Variants in GRID1 observed in about 807,000 individuals in gnomAD.
GRID1 encodes the protein glutamate ionotropic receptor delta type subunit 1, also known as glutamate receptor ionotropic, delta-1.
GRID1 carries 28 observed loss-of-function variants against 98.0 expected under a neutral mutation model. The ratio of observed to expected loss-of-function variants is 0.29; its 90% CI spans 0.21 to 0.39. GRID1 has a LOEUF of 0.39. Ranked by LOEUF, GRID1 falls within the 10% of genes least tolerant of loss-of-function variation. The pLI, the probability that GRID1 is intolerant of heterozygous loss-of-function variation, is 1.00. For synonymous variants in GRID1, 553 were observed against 538.5 expected (o/e 1.03, Z -0.37); for missense variants, 1,111 against 1,340.5 (o/e 0.83, Z 2.67).
chr10:85,764,501 G>T (rs897573932), intron 8 of GRID1, among the ~76,000 whole-genome samples: 5 of 152,204 alleles, frequency 3.3e-5, no homozygotes, highest in African/African-American at 1.2e-4. Context: ...TTGATGTGGG[G>T]AAAGTCAGCC....
intron 4 of GRID1, among the ~76,000 whole-genome samples, chr10:86,120,498 C>T (rs1246591514): frequency 6.6e-6 from 1 of 152,130 alleles, no homozygotes; most frequent in African/African-American, 2.4e-5. Context: ...CTATTGCCAA[C>T]CTTCAATAAA....
intron 8 of GRID1, among the ~76,000 whole-genome samples, chr10:85,827,387 G>GA (rs57832452): frequency 0.017 from 2,477 of 147,622 alleles, 62 homozygotes; most frequent in African/African-American, 0.057. Flanking sequence ...CTCAGAGCTC[G>GA]AAAAAAAAAC....
chr10:86,232,037 T>G (rs1024157441), intron 2 of GRID1, among the ~76,000 whole-genome samples: 1 of 152,120 alleles, frequency 6.6e-6, no homozygotes, highest in African/African-American at 2.4e-5. Flanking sequence ...GGTACCCTCT[T>G]CTCACTGCAC....
At chr10:86,283,224 A>G (rs1847380510) in intron 2 of GRID1, among the ~76,000 whole-genome samples, 1 of 151,932 alleles carries the variant, frequency 6.6e-6, no homozygotes, top group South Asian at 2.1e-4. Context: ...TCCTCCCCAC[A>G]TAGGGTTAGG....
intron 8 of GRID1, among the ~76,000 whole-genome samples, chr10:85,768,051 C>T (rs1842214494): frequency 6.6e-6 from 1 of 152,080 alleles, no homozygotes; most frequent in Non-Finnish European, 1.5e-5. Context: ...AAATGCAAAC[C>T]CCAGAGACTT....
chr10:85,910,273 G>A (rs999383620), intron 5 of GRID1, among the ~76,000 whole-genome samples: 1 of 152,052 alleles, frequency 6.6e-6, no homozygotes, highest in Non-Finnish European at 1.5e-5. Context: ...TCTTTCTCTG[G>A]GTCCCAAATA....
At chr10:85,987,406 TC>T (rs1480385248) in intron 4 of GRID1, among the ~76,000 whole-genome samples, 1 of 69,760 alleles carries the variant, frequency 1.4e-5, no homozygotes, top group African/African-American at 5.8e-5. Context: ...AGCTATATCT[TC>T]CCCCCAACCT....
At chr10:85,905,415 T>C (rs1841446142) in intron 5 of GRID1, among the ~76,000 whole-genome samples, 1 of 151,750 alleles carries the variant, frequency 6.6e-6, no homozygotes, top group South Asian at 2.1e-4. Context: ...TGATACCAGA[T>C]CAAACTACGG....
intron 8 of GRID1, among the ~76,000 whole-genome samples, chr10:85,745,928 C>G (rs1205463336): frequency 1.3e-5 from 2 of 151,948 alleles, no homozygotes; most frequent in Non-Finnish European, 2.9e-5. Context: ...AGTGAAGAAA[C>G]AAAGAAGCAG....
intron 4 of GRID1, among the ~76,000 whole-genome samples, chr10:86,074,495 T>C (rs1273254858): frequency 6.6e-6 from 1 of 152,242 alleles, no homozygotes; most frequent in Non-Finnish European, 1.5e-5. Flanking sequence ...TTCATTGTCA[T>C]TGATGATGAA....
At chr10:86,088,967 C>A (rs927515258) in intron 4 of GRID1, among the ~76,000 whole-genome samples, 2 of 151,994 alleles carry the variant, frequency 1.3e-5, no homozygotes, top group African/African-American at 4.8e-5. Context: ...GGTAGGCTAC[C>A]AAGACAGAAA....
At position 86,137,961 on chromosome 10, in the gene GRID1, TTCAA is replaced by T. The variant is rs1844952926; in HGVS notation, c.726+854_726+857del. Among the ~76,000 whole-genome samples, 3 of 152,172 alleles carry T rather than the reference TTCAA, an allele frequency of 2.0e-5. No individual in the cohort carries two copies. In the South Asian group the frequency reaches 6.2e-4, roughly 32 times the overall value. Reference sequence around the variant, plus strand: ...ATGTCATGTTTCACTTCAGTTTACTTTCAATCAGAGAGGGCCAACAAGGTGACTG... The same window carrying T: ...ATGTCATGTTTCACTTCAGTTTACTTTCAGAGAGGGCCAACAAGGTGACTG... On this transcript the variant is annotated intron_variant, in intron 4 of 15. Coordinates refer to ENST00000327946, the MANE Select transcript of GRID1 (RefSeq NM_017551.3).
At chr10:86,024,366 G>A (rs1438713528) in intron 4 of GRID1, among the ~76,000 whole-genome samples, 2 of 152,308 alleles carry the variant, frequency 1.3e-5, no homozygotes, top group Middle Eastern at 3.4e-3. Flanking sequence ...AGCAATCACG[G>A]TGTGTAGGAT....
intron 2 of GRID1, among the ~76,000 whole-genome samples, chr10:86,244,629 G>T (rs1364556864): frequency 6.6e-6 from 1 of 152,208 alleles, no homozygotes; most frequent in African/African-American, 2.4e-5. Context: ...TGGCTCCAGC[G>T]GCGAACACAA....
At chr10:86,223,911 C>A (rs1176024151) in intron 2 of GRID1, among the ~76,000 whole-genome samples, 1 of 152,140 alleles carries the variant, frequency 6.6e-6, no homozygotes, top group Admixed American at 6.5e-5. Context: ...GACCAGGGAC[C>A]AGCAAGTGAT....
chr10:86,000,366 C>CCT (rs1473546163), intron 4 of GRID1, among the ~76,000 whole-genome samples: 1 of 152,158 alleles, frequency 6.6e-6, no homozygotes, highest in African/African-American at 2.4e-5. Flanking sequence ...GGATGCCAAT[C>CCT]CTCTCCAAAT....
In GRID1 at chr10:86,206,562, C is replaced by T; in HGVS notation, c.322G>A (p.Ala108Thr). 1 of 1,614,180 alleles carries T rather than the reference C, an allele frequency of 6.2e-7. No homozygotes were observed. Among genetic ancestry groups the T allele is most frequent in the Non-Finnish European group, 8.5e-7 (1 of 1,180,026 alleles). Reference sequence around the variant, plus strand: ...ACAAAGAGGTGTGGGATGTGCATGGCATCCGTGAGGGACTGCAGGGCATTG... The same window carrying T: ...ACAAAGAGGTGTGGGATGTGCATGGTATCCGTGAGGGACTGCAGGGCATTG... ...SANALQSLTD[A>T]MHIPHLFVQR... The change falls in exon 3 of 16, where the codon GCC becomes ACC. Residue 108 changes from alanine (A) to threonine (T), a missense_variant. By Grantham distance (58) the Ala-to-Thr change is moderately conservative (BLOSUM62 0). Transcript: ENST00000327946. The surrounding 1 kb of genome is among the most constrained non-coding windows in gnomAD (Gnocchi z 4.1).
intron 8 of GRID1, among the ~76,000 whole-genome samples, chr10:85,755,349 C>T (rs1842086483): frequency 6.6e-6 from 1 of 152,186 alleles, no homozygotes; most frequent in African/African-American, 2.4e-5. Flanking sequence ...TTCAGCTGAG[C>T]CGGCTGAGAT....
chr10:85,827,825 A>G (rs939632525), intron 8 of GRID1, among the ~76,000 whole-genome samples: 2 of 152,222 alleles, frequency 1.3e-5, no homozygotes, highest in Non-Finnish European at 1.5e-5. Context: ...AGATAATCAC[A>G]TAATAATAAT....
Sources: allele counts gnomAD v4.1 joint callset (sites outside exome capture counted in the v4.1 genomes callset), GRCh38; gene constraint gnomAD v4.1.1; non-coding constraint Gnocchi (gnomAD v3.1); transcripts MANE v1.5; gene names NCBI Gene and HGNC (gene_info 2026-07-23, HGNC 2026-07-21).